PTPRA: variants seen among roughly 807,000 people sequenced by gnomAD.
PTPRA encodes the protein protein tyrosine phosphatase receptor type A.
In PTPRA, 25 loss-of-function variants were observed where a neutral mutation model predicts 104.8. The observed-to-expected ratio is 0.24, with a 90% confidence interval of 0.17 to 0.33. The LOEUF (loss-of-function observed/expected upper bound fraction) is 0.33, where lower values mean the gene tolerates loss of function less well. Ranked by LOEUF, PTPRA falls within the 10% of genes least tolerant of loss-of-function variation. The probability of loss-of-function intolerance (pLI) is 1.00; values close to 1 mark genes in which losing one functional copy is unlikely to be tolerated. For synonymous variants in PTPRA, 323 were observed against 368.9 expected, an observed-to-expected ratio of 0.88 and a Z score of 1.43; for missense variants, 765 against 1,015.3, an observed-to-expected ratio of 0.75 and a Z score of 3.35.
intron 20 of PTPRA, among the ~76,000 whole-genome samples, chr20:3,030,514 C>A (rs1389888550): frequency 1.3e-5 from 2 of 152,010 alleles, no homozygotes; most frequent in South Asian, 2.1e-4. Flanking sequence ...CGCACTAAGC[C>A]TAAATGATGC....
chr20:2,876,677 G>A (rs1036229254), intron 1 of PTPRA, among the ~76,000 whole-genome samples: 2 of 152,150 alleles, frequency 1.3e-5, no homozygotes, highest in Non-Finnish European at 2.9e-5. Flanking sequence ...AAAGTTATCT[G>A]AACAATATGC....
chr20:2,973,979 T>A (rs1201632065), intron 5 of PTPRA, among the ~76,000 whole-genome samples: 5 of 148,046 alleles, frequency 3.4e-5, no homozygotes, highest in African/African-American at 9.9e-5. Context: ...TGAGATGGAG[T>A]CTCGCTCTGT....
chr20:2,986,932 A>G, intron 7 of PTPRA, 83 bp downstream of exon 7: 1 of 1,208,992 alleles, frequency 8.3e-7, no homozygotes, highest in South Asian at 1.2e-5. Context: ...TCCAGTAGAC[A>G]GTAGGATATA....
chr20:3,032,720 C>A (rs1268651962), intron 20 of PTPRA, among the ~76,000 whole-genome samples: 1 of 150,550 alleles, frequency 6.6e-6, no homozygotes, highest in Admixed American at 6.6e-5. Context: ...GAGCCAAGAT[C>A]GCGCCACTGC....
rs2061200795 is a variant in PTPRA, at chr20:2,947,971, T to A, written c.-49-11T>A. 2.8e-6 allele frequency: 3 copies of A among 1,063,640 alleles called. No homozygotes were observed. The highest frequency in any genetic ancestry group is 3.8e-6 in the Non-Finnish European group (3 of 788,046). 65.9% of individuals were successfully genotyped at this position (1,063,640 alleles called of 1,614,324 possible). The stretch of plus-strand genomic sequence containing the variant: ...CTCCTAATTAACTGTTTTTTATTTC[T>A]TTTTTTCTAGGACACATGTTCAAAG... On this transcript the variant is annotated splice_polypyrimidine_tract_variant and intron_variant, in intron 2 of 23. Transcript: ENST00000399903.
intron 1 of PTPRA, among the ~76,000 whole-genome samples, chr20:2,913,013 A>G (rs1281441586): frequency 6.6e-6 from 1 of 152,188 alleles, no homozygotes; most frequent in Non-Finnish European, 1.5e-5. Context: ...GAATAGTTAC[A>G]GAGTCTTTTC....
intron 2 of PTPRA, among the ~76,000 whole-genome samples, chr20:2,939,511 T>C (rs1485425629): frequency 1.3e-5 from 2 of 152,220 alleles, no homozygotes; most frequent in Non-Finnish European, 2.9e-5. Context: ...TCCCCTTTTT[T>C]AGTTTGCCTG....
At chr20:3,010,142 G>T (rs1249886501) in intron 11 of PTPRA, among the ~76,000 whole-genome samples, 1 of 151,910 alleles carries the variant, frequency 6.6e-6, no homozygotes, top group Non-Finnish European at 1.5e-5. Context: ...GAGCCACCGT[G>T]CCCAGCTGGA....
chr20:3,020,131 C>T (rs574214899), intron 13 of PTPRA, among the ~76,000 whole-genome samples: 12 of 151,882 alleles, frequency 7.9e-5, no homozygotes, highest in South Asian at 6.3e-4. Context: ...TTTTTTGAGA[C>T]GGAGTCTCGC....
the PTPRA span, chr20:2,864,296 A>G: frequency 6.2e-7 from 1 of 1,614,040 alleles, no homozygotes; most frequent in Non-Finnish European, 8.5e-7. The surrounding 1 kb of genome is among the most constrained non-coding windows in gnomAD (Gnocchi z 5.2). Flanking sequence ...GGGTGAGGGC[A>G]AGGCTGGGGG....
chr20:2,930,850 G>A (rs1341247055), intron 2 of PTPRA, among the ~76,000 whole-genome samples: 2 of 152,048 alleles, frequency 1.3e-5, no homozygotes, highest in African/African-American at 2.4e-5. Context: ...TATCTTTTTT[G>A]GGGAGGCATA....
Position 3,022,876 on chromosome 20 carries a change from C to G in PTPRA, c.1464+52C>G. On this transcript the variant is annotated intron_variant, in intron 16 of 23. Transcript: ENST00000399903. This position sits in a 1 kb window ranked among gnomAD's most constrained non-coding sequence, Gnocchi z 4.6. ...GTGGGGGGTTCCAGGACTAAAACATCTGCCCACATTGAGGATTCACTCAGT... is the reference window on the plus strand; with the variant it reads ...GTGGGGGGTTCCAGGACTAAAACATGTGCCCACATTGAGGATTCACTCAGT... 1 of 1,610,920 alleles carries G rather than the reference C, an allele frequency of 6.2e-7. No homozygotes were observed. Among genetic ancestry groups the G allele is most frequent in the Non-Finnish European group, 8.5e-7 (1 of 1,178,370 alleles).
intron 12 of PTPRA, among the ~76,000 whole-genome samples, chr20:3,016,779 CAA>C (rs2064479540): frequency 6.6e-6 from 1 of 152,164 alleles, no homozygotes. Context: ...TTTATAAAAA[CAA>C]AGTTCTCCTC....
chr20:2,945,126 C>T (rs985716992), intron 2 of PTPRA, among the ~76,000 whole-genome samples: 1 of 152,122 alleles, frequency 6.6e-6, no homozygotes, highest in African/African-American at 2.4e-5. Context: ...ATTCTCTCTT[C>T]AGGTATATTT....
At chr20:2,869,544 G>T (rs956081468), upstream of PTPRA, among the ~76,000 whole-genome samples, 1 of 152,210 alleles carries the variant, frequency 6.6e-6, no homozygotes, top group African/African-American at 2.4e-5. Context: ...ATGCCTACAT[G>T]GGTGGGCAGG....
Position 2,988,332 on chromosome 20 carries a change from C to T in PTPRA, c.602-6C>T, listed in dbSNP as rs1310691933. 4 of 1,588,822 alleles carry T rather than the reference C, an allele frequency of 2.5e-6. No homozygotes were observed. Among genetic ancestry groups the T allele is most frequent in the East Asian group, 2.2e-5 (1 of 44,808 alleles). On this transcript the variant is annotated splice_region_variant and splice_polypyrimidine_tract_variant and intron_variant, in intron 8 of 23. Coordinates refer to ENST00000399903, the MANE Select transcript of PTPRA (RefSeq NM_001385305.1). The stretch of plus-strand genomic sequence containing the variant: ...CCTGACTGACCTTCTCCCTTGTGTA[C>T]TGCAGAGCCCCAGAGTGTGCCACTT...
chr20:2,948,962 A>AT (rs2061256665), intron 3 of PTPRA, among the ~76,000 whole-genome samples: 1 of 151,988 alleles, frequency 6.6e-6, no homozygotes, highest in Non-Finnish European at 1.5e-5. Flanking sequence ...AAAAAAAAAA[A>AT]GTAAATAAAA....
intron 10 of PTPRA, among the ~76,000 whole-genome samples, chr20:3,006,394 G>T (rs1339646023): frequency 6.6e-6 from 1 of 151,748 alleles, no homozygotes; most frequent in African/African-American, 2.4e-5. Context: ...ACCCAGCCTG[G>T]TCTCAAACTC....
intron 3 of PTPRA, among the ~76,000 whole-genome samples, chr20:2,949,532 A>G (rs1488112189): frequency 2.6e-5 from 4 of 151,978 alleles, no homozygotes; most frequent in Non-Finnish European, 4.4e-5. Flanking sequence ...GGCTCAAGCA[A>G]TCCTCCCATC....
Sources: gnomAD v4.1 joint callset for allele counts (sites outside exome capture counted in the v4.1 genomes callset) on GRCh38, gnomAD v4.1.1 for gene constraint, Gnocchi (gnomAD v3.1) non-coding constraint, MANE v1.5 for transcripts, NCBI Gene and HGNC (gene_info 2026-07-23, HGNC 2026-07-21) for gene names.